Variants in ZDHHC20 observed in about 807,000 individuals in gnomAD.
ZDHHC20 encodes zDHHC palmitoyltransferase 20.
Under a neutral mutation model 57.8 loss-of-function variants are expected in ZDHHC20, and 43 were observed. The ratio of observed to expected loss-of-function variants is 0.74; its 90% CI spans 0.58 to 0.96. The LOEUF is 0.96. Among genes scored for constraint, ZDHHC20 ranks in the 40% least tolerant of loss-of-function variants. The probability of loss-of-function intolerance (pLI) is 0.00; values close to 1 mark genes in which losing one functional copy is unlikely to be tolerated. For missense variants in ZDHHC20, 391 were observed against 441.1 expected (o/e 0.89, Z 1.02); for synonymous variants, 157 against 153.0 (o/e 1.03, Z -0.19).
At chr13:21,420,783 C>G (rs1402122080) in intron 3 of ZDHHC20, among the ~76,000 whole-genome samples, 3 of 152,158 alleles carry the variant, frequency 2.0e-5, no homozygotes, top group African/African-American at 7.2e-5. Context: ...TTCCTTGAGA[C>G]TTTTTATTCC....
chr13:21,449,331 A>G (rs1361358121), intron 1 of ZDHHC20, among the ~76,000 whole-genome samples: 1 of 152,252 alleles, frequency 6.6e-6, no homozygotes, highest in Non-Finnish European at 1.5e-5. Context: ...TTCTCTACTA[A>G]TAGCAGTCAT....
At chr13:21,445,211 C>T (rs1418699104) in intron 1 of ZDHHC20, among the ~76,000 whole-genome samples, 1 of 151,936 alleles carries the variant, frequency 6.6e-6, no homozygotes, top group African/African-American at 2.4e-5. Flanking sequence ...GCAAATAGAG[C>T]TTATAAATTA....
chr13:21,438,738 G>A (rs552374736), intron 1 of ZDHHC20, among the ~76,000 whole-genome samples: 6 of 152,290 alleles, frequency 3.9e-5, no homozygotes, highest in Admixed American at 2.0e-4. Context: ...GTAAAATGCT[G>A]TCAAACAGCA....
At chr13:21,432,331 A>ATT (rs71093309) in intron 1 of ZDHHC20, among the ~76,000 whole-genome samples, 131 of 133,194 alleles carry the variant, frequency 9.8e-4, no homozygotes, top group Admixed American at 1.1e-3. Flanking sequence ...TGTCCCACTA[A>ATT]TTTTTTTTTT....
chr13:21,437,724 C>T (rs1882699597), intron 1 of ZDHHC20, among the ~76,000 whole-genome samples: 1 of 151,390 alleles, frequency 6.6e-6, no homozygotes, highest in Admixed American at 6.6e-5. Context: ...TGGAGTCTCA[C>T]ACTGTCGCCC....
At chr13:21,415,525 C>T (rs1879846347) in intron 3 of ZDHHC20, among the ~76,000 whole-genome samples, 1 of 152,132 alleles carries the variant, frequency 6.6e-6, no homozygotes, top group South Asian at 2.1e-4. Flanking sequence ...ATGAAAAAGT[C>T]TTAAAGACAA....
At chr13:21,413,528 G>T in intron 4 of ZDHHC20, 124 bp downstream of exon 4, 1 of 800,536 alleles carries the variant, frequency 1.2e-6, no homozygotes, top group African/African-American at 1.8e-5. Flanking sequence ...AAGTCTTGTT[G>T]CTACAGATAT....
At chr13:21,453,958 C>T (rs952655218) in intron 1 of ZDHHC20, among the ~76,000 whole-genome samples, 14 of 152,136 alleles carry the variant, frequency 9.2e-5, no homozygotes, top group African/African-American at 3.4e-4. Context: ...GGTATTCTCC[C>T]GTCTCAGCCT....
chr13:21,421,097 C>T lies in ZDHHC20; in HGVS notation c.213G>A (p.Met71Ile). Residue 71 changes from methionine (M) to isoleucine (I), a missense_variant, in exon 3 of 13, where the codon ATG becomes ATA. By Grantham distance (10) the Met-to-Ile change is conservative. Transcript: ENST00000400590. ...GGGAAGCGGGAGATGTGAAAATTGT[C>T]ATCCAATAGGACCATACAAACATAA... ...FFVMFVWSYW[M>I]TIFTSPASPS... is the part of the protein sequence containing the mutation. The T allele has an allele frequency of 6.2e-7, 1 of 1,613,138 alleles. No homozygotes were observed. Among genetic ancestry groups the T allele is most frequent in the Middle Eastern group, 1.8e-4 (1 of 5,700 alleles).
chr13:21,444,517 CT>C (rs1241303244), intron 1 of ZDHHC20, among the ~76,000 whole-genome samples: 1 of 152,034 alleles, frequency 6.6e-6, no homozygotes, highest in Non-Finnish European at 1.5e-5. Flanking sequence ...ATAACGGGTA[CT>C]TTCAAAAAAT....
Position 21,376,758 on chromosome 13 carries a change from C to G in ZDHHC20, c.*41-103G>C, listed in dbSNP as rs998932216. The G allele has an allele frequency of 9.1e-6, 6 of 659,344 alleles. No individual in the cohort carries two copies. In the East Asian group the frequency reaches 2.0e-4, roughly 22 times the overall value. 40.8% of individuals were successfully genotyped at this position (659,344 alleles called of 1,614,324 possible). A position where few individuals can be genotyped will look rare whatever the true frequency, so the allele number is the denominator to read the frequency against. On this transcript the variant is annotated intron_variant, in intron 12 of 12. Transcript: ENST00000400590. Reference sequence around the variant, plus strand: ...CTAAGGTACAAAGCTACTAATATAACAAGATGGAAAATGAATTCCTTAACA... The same window carrying G: ...CTAAGGTACAAAGCTACTAATATAAGAAGATGGAAAATGAATTCCTTAACA...
At chr13:21,389,442 T>C (rs538225812) in intron 8 of ZDHHC20, among the ~76,000 whole-genome samples, 1 of 152,212 alleles carries the variant, frequency 6.6e-6, no homozygotes, top group South Asian at 2.1e-4. Flanking sequence ...TATCAGAATA[T>C]ACTGCATATA....
chr13:21,443,256 T>C (rs1883356649), intron 1 of ZDHHC20, among the ~76,000 whole-genome samples: 1 of 152,144 alleles, frequency 6.6e-6, no homozygotes, highest in Non-Finnish European at 1.5e-5. Flanking sequence ...CCATCTCAAG[T>C]CATAAACACT....
chr13:21,391,726 T>C lies in ZDHHC20; in HGVS notation c.723A>G (p.Thr241=). 3 of 1,607,496 alleles carry C rather than the reference T, an allele frequency of 1.9e-6. No homozygotes were observed. The African/African-American group carries it at 4.0e-5, about 22-fold the overall frequency. The change falls in exon 8 of 13, where the codon ACA becomes ACG. Residue 241 remains threonine (T), a synonymous_variant. Coordinates refer to ENST00000400590, the MANE Select transcript of ZDHHC20 (RefSeq NM_001330059.2). ...HCWLVGKNRT[T]IESFRAPTFS... ...AATTTATTTTAACCTACTTACCTAT[T>C]GTTGTTCTATTTTTTCCAACTAGCC...
intron 7 of ZDHHC20, among the ~76,000 whole-genome samples, chr13:21,396,451 G>C (rs1876801441): frequency 6.6e-6 from 1 of 152,188 alleles, no homozygotes; most frequent in Non-Finnish European, 1.5e-5. Flanking sequence ...ATAGACAACA[G>C]ACAGGTATCA....
chr13:21,374,751 C>A lies in ZDHHC20; in HGVS notation c.*1945G>T. 8.3e-6 allele frequency: 2 copies of A among 239,584 alleles called. No homozygotes were observed. The highest frequency in any genetic ancestry group is 9.9e-5 in the Admixed American group (2 of 20,242). 14.8% of individuals were successfully genotyped at this position (239,584 alleles called of 1,614,324 possible). On this transcript the variant is annotated 3_prime_UTR_variant, in exon 13 of 13. Coordinates refer to ENST00000400590, the MANE Select transcript of ZDHHC20 (RefSeq NM_001330059.2). ...GGCCAAATTATAAACAAATTATAAACCTACAGTAGCAACCATAAAATTTAT... is the reference window on the plus strand; with the variant it reads ...GGCCAAATTATAAACAAATTATAAAACTACAGTAGCAACCATAAAATTTAT...
intron 1 of ZDHHC20, among the ~76,000 whole-genome samples, chr13:21,454,585 T>C (rs910943301): frequency 1.3e-5 from 2 of 151,580 alleles, no homozygotes; most frequent in Non-Finnish European, 2.9e-5. Context: ...AAAAAGAGCA[T>C]ATTAAACCCA....
chr13:21,431,069 T>A (rs1168090027), intron 1 of ZDHHC20, among the ~76,000 whole-genome samples: 1 of 152,190 alleles, frequency 6.6e-6, no homozygotes, highest in Non-Finnish European at 1.5e-5. Flanking sequence ...TTTTGTCTAT[T>A]ATGATTACTC....
rs1230556660 is a variant in ZDHHC20, at chr13:21,376,628, A to T, written c.*68T>A. 1 of 1,387,212 alleles carries T rather than the reference A, an allele frequency of 7.2e-7. No homozygotes were observed. Among genetic ancestry groups the T allele is most frequent in the Admixed American group, 2.8e-5 (1 of 35,954 alleles). 85.9% of individuals were successfully genotyped at this position (1,387,212 alleles called of 1,614,324 possible). On this transcript the variant is annotated 3_prime_UTR_variant, in exon 13 of 13. Transcript: ENST00000400590. The stretch of plus-strand genomic sequence containing the variant: ...CATTTTCTTGCAAATGAAAATTGAA[A>T]ATACCAGTCTATAATGTTTTCATAC...
Sources: gnomAD v4.1 joint callset for allele counts (sites outside exome capture counted in the v4.1 genomes callset) on GRCh38, gnomAD v4.1.1 for gene constraint, MANE v1.5 for transcripts, NCBI Gene and HGNC (gene_info 2026-07-23, HGNC 2026-07-21) for gene names.